DIAPH2: variants seen among roughly 807,000 people sequenced by gnomAD.
The protein encoded by DIAPH2 is diaphanous related formin 2.
Under a neutral mutation model 92.7 loss-of-function variants are expected in DIAPH2, and 35 were observed. That is an observed-to-expected ratio of 0.38 (90% confidence interval 0.29 to 0.50). The LOEUF is 0.50. Ranked by LOEUF, DIAPH2 falls within the 20% of genes least tolerant of loss-of-function variation. The pLI is 0.94. For missense variants in DIAPH2, 701 were observed against 819.5 expected (o/e 0.86, Z 1.77); for synonymous variants, 301 against 280.4 (o/e 1.07, Z -0.73).
At chrX:96,907,971 AAT>A (rs1362897925) in intron 5 of DIAPH2, among the ~76,000 whole-genome samples, 2 of 112,117 alleles carry the variant, frequency 1.8e-5, no homozygotes, top group African/African-American at 6.5e-5. Context: ...GAAATGGTTG[AAT>A]ATCATAGTAT....
At chrX:96,756,911 C>CTTTTTTTTTTTTT (rs1172916942) in intron 3 of DIAPH2, among the ~76,000 whole-genome samples, 1 of 58,785 alleles carries the variant, frequency 1.7e-5, no homozygotes, top group African/African-American at 6.9e-5. Context: ...ATTTATATAT[C>CTTTTTTTTTTTTT]TTTTTTTTTT....
intron 23 of DIAPH2, among the ~76,000 whole-genome samples, chrX:97,266,422 G>A (rs1296337581): frequency 1.8e-5 from 2 of 111,907 alleles, no homozygotes; most frequent in Non-Finnish European, 3.8e-5. Context: ...TTAACTCTCA[G>A]TTTGGACAGT....
chrX:97,023,821 C>T (rs1315000268), intron 17 of DIAPH2, among the ~76,000 whole-genome samples: 1 of 112,196 alleles, frequency 8.9e-6, no homozygotes, highest in Non-Finnish European at 1.9e-5. Context: ...TTGCAATTTA[C>T]CTTTTACCTA....
At chrX:96,856,040 C>T (rs763279746) in intron 4 of DIAPH2, among the ~76,000 whole-genome samples, 11 of 111,836 alleles carry the variant, frequency 9.8e-5, no homozygotes, top group South Asian at 3.7e-4. Flanking sequence ...ATGTCAATGG[C>T]GACTTTGATT....
chrX:97,600,092 T>A lies in DIAPH2; in HGVS notation c.*775T>A, dbSNP rs1053180861. ...ACAGATATCTACTTTATACAAATACTTTATATGGCTATTTTTGAGAAAACC... is the reference window on the plus strand; with the variant it reads ...ACAGATATCTACTTTATACAAATACATTATATGGCTATTTTTGAGAAAACC... On this transcript the variant is annotated 3_prime_UTR_variant, in exon 27 of 27. Transcript: ENST00000324765. 11 of 112,929 alleles carry A rather than the reference T, an allele frequency of 9.7e-5. No individual in the cohort carries two copies. Among genetic ancestry groups the A allele is most frequent in the African/African-American group, 3.5e-4 (11 of 31,046 alleles). 9.3% of individuals were successfully genotyped at this position (112,929 alleles called of 1,213,427 possible).
At chrX:97,483,916 A>G (rs1329379968) in intron 26 of DIAPH2, among the ~76,000 whole-genome samples, 1 of 112,015 alleles carries the variant, frequency 8.9e-6, no homozygotes, top group Non-Finnish European at 1.9e-5. Context: ...ATCCAAAATT[A>G]ATATGGAGGA....
At chrX:97,025,088 C>A (rs1191132878) in intron 17 of DIAPH2, among the ~76,000 whole-genome samples, 1 of 112,074 alleles carries the variant, frequency 8.9e-6, no homozygotes, top group Non-Finnish European at 1.9e-5. Flanking sequence ...CGGTGGCTCA[C>A]GCCTGTAATC....
intron 16 of DIAPH2, among the ~76,000 whole-genome samples, chrX:96,962,314 TATATATATACAC>T (rs1569436436): frequency 1.6e-4 from 7 of 42,635 alleles, no homozygotes; most frequent in African/African-American, 4.4e-4. Flanking sequence ...TATATATACA[TATATATATACAC>T]ATATATATAT....
chrX:97,364,487 C>T (rs1029091162), intron 24 of DIAPH2, among the ~76,000 whole-genome samples: 2 of 112,110 alleles, frequency 1.8e-5, no homozygotes, highest in African/African-American at 6.5e-5. Context: ...ACTACACTCA[C>T]CTTGTAGGCT....
intron 26 of DIAPH2, among the ~76,000 whole-genome samples, chrX:97,472,984 TA>T: frequency 8.9e-6 from 1 of 111,975 alleles, no homozygotes; most frequent in Non-Finnish European, 1.9e-5. Context: ...TTTCTCCACT[TA>T]TATAAGTCCA....
chrX:97,078,764 G>A (rs1402842801), intron 19 of DIAPH2, among the ~76,000 whole-genome samples: 1 of 110,898 alleles, frequency 9.0e-6, no homozygotes, highest in Admixed American at 9.7e-5. Context: ...CACAGAAGGT[G>A]AACTGTAGGG....
At chrX:97,363,179 C>T (rs766250180) in intron 24 of DIAPH2, among the ~76,000 whole-genome samples, 2 of 111,812 alleles carry the variant, frequency 1.8e-5, no homozygotes, top group Admixed American at 9.5e-5. Context: ...CCTAGAAGCC[C>T]GGCATATTGT....
At chrX:96,743,479 T>C (rs940089662) in intron 3 of DIAPH2, among the ~76,000 whole-genome samples, 5 of 112,062 alleles carry the variant, frequency 4.5e-5, no homozygotes, top group African/African-American at 1.6e-4. Context: ...CTCCACATCC[T>C]GGTCAACAGT....
At chrX:96,727,988 G>A (rs1182889919) in intron 1 of DIAPH2, among the ~76,000 whole-genome samples, 6 of 103,566 alleles carry the variant, frequency 5.8e-5, no homozygotes, top group Non-Finnish European at 1.2e-4. Flanking sequence ...AGGTTGCAGT[G>A]AGCCGAGATC....
intron 4 of DIAPH2, among the ~76,000 whole-genome samples, chrX:96,818,564 T>G (rs2064756062): frequency 8.9e-6 from 1 of 111,769 alleles, no homozygotes; most frequent in South Asian, 3.7e-4. Context: ...TAAAATTGAT[T>G]AAAATTATTC....
At chrX:97,498,689 A>T (rs544300515) in intron 26 of DIAPH2, among the ~76,000 whole-genome samples, 1 of 111,857 alleles carries the variant, frequency 8.9e-6, no homozygotes, top group South Asian at 3.8e-4. Flanking sequence ...CAAAGATAGT[A>T]TCAATCATAA....
intron 17 of DIAPH2, among the ~76,000 whole-genome samples, chrX:97,057,418 A>G (rs1006198274): frequency 2.7e-5 from 3 of 111,554 alleles, no homozygotes; most frequent in African/African-American, 9.8e-5. Context: ...TCATTGGAAT[A>G]TTTTCTCTTA....
intron 22 of DIAPH2, among the ~76,000 whole-genome samples, chrX:97,235,597 A>G (rs2068041547): frequency 1.4e-5 from 1 of 73,968 alleles, no homozygotes; most frequent in Non-Finnish European, 2.7e-5. Context: ...GGGCGAGACT[A>G]CGTCAAAAAA....
intron 26 of DIAPH2, among the ~76,000 whole-genome samples, chrX:97,505,794 A>G (rs2070827989): frequency 9.0e-6 from 1 of 111,158 alleles, no homozygotes; most frequent in African/African-American, 3.3e-5. Context: ...CTGACATACT[A>G]AAAATGTCAA....
Sources: allele counts gnomAD v4.1 joint callset (sites outside exome capture counted in the v4.1 genomes callset), GRCh38; gene constraint gnomAD v4.1.1; transcripts MANE v1.5; gene names NCBI Gene and HGNC (gene_info 2026-07-23, HGNC 2026-07-21).